Variants in NAALADL2 observed in about 807,000 individuals in gnomAD.
The protein encoded by NAALADL2 is N-acetylated alpha-linked acidic dipeptidase like 2, also known as inactive N-acetylated-alpha-linked acidic dipeptidase-like protein 2.
Under a neutral mutation model 87.2 loss-of-function variants are expected in NAALADL2, and 76 were observed. The observed-to-expected ratio is 0.87, with a 90% CI of 0.72 to 1.05. The LOEUF (loss-of-function observed/expected upper bound fraction) is 1.05. Ranked by LOEUF, NAALADL2 falls within the 50% of genes least tolerant of loss-of-function variation. The pLI is 0.00. For synonymous variants in NAALADL2, 354 were observed against 331.0 expected, an observed-to-expected ratio of 1.07 and a Z score of -0.75; for missense variants, 1,089 against 945.8, an observed-to-expected ratio of 1.15 and a Z score of -1.99.
chr3:175,578,709 A>G (rs920119773), intron 10 of NAALADL2, among the ~76,000 whole-genome samples: 11 of 152,202 alleles, frequency 7.2e-5, no homozygotes, highest in Non-Finnish European at 2.9e-5. Context: ...GTTCTCAACT[A>G]TTATACCAAA....
intron 5 of NAALADL2, among the ~76,000 whole-genome samples, chr3:175,388,588 G>A (rs1012048147): frequency 2.6e-5 from 4 of 152,030 alleles, no homozygotes; most frequent in African/African-American, 7.2e-5. Flanking sequence ...TTTAATGTAC[G>A]CACTTGATAA....
rs1754410586 is a variant in NAALADL2 at position 175,803,266 on chromosome 3, C to T, written c.*63C>T. 3 of 1,269,152 alleles carry T rather than the reference C, an allele frequency of 2.4e-6. No homozygotes were observed. The highest frequency in any genetic ancestry group is 3.2e-6 in the Non-Finnish European group (3 of 924,076). The allele number at this position is 1,269,152 out of a possible 1,614,324, so 78.6% of individuals were successfully genotyped here. On this transcript the variant is annotated 3_prime_UTR_variant, in exon 14 of 14. Coordinates refer to ENST00000454872, the MANE Select transcript of NAALADL2 (RefSeq NM_207015.3). ...CCACAAGCAAAAGCTCTAATTTAAC[C>T]AGATTTTCTGACATTGAAGGCTTAT...
chr3:175,667,733 GT>G (rs1733393165), intron 11 of NAALADL2, among the ~76,000 whole-genome samples: 1 of 138,598 alleles, frequency 7.2e-6, no homozygotes, highest in African/African-American at 2.8e-5. Flanking sequence ...ATATCTGTGT[GT>G]TTTTTGCTGT....
At chr3:175,760,930 A>T (rs535771532) in intron 13 of NAALADL2, among the ~76,000 whole-genome samples, 52 of 152,170 alleles carry the variant, frequency 3.4e-4, no homozygotes, top group Non-Finnish European at 4.0e-4. Context: ...AAAGTACGGA[A>T]TTCTCATATG....
Position 175,432,029 on chromosome 3 carries a change from GA to G in NAALADL2, c.1091-15191del, listed in dbSNP as rs200029916. ...TCATGCAGCTATTACTTCTTGTTGA[GA>G]AAAAAAAATAGCTTTTAACAGTAAT... On this transcript the variant is annotated intron_variant, in intron 5 of 13. Transcript: ENST00000454872. Among the ~76,000 whole-genome samples the G allele has an allele frequency of 1.8e-3, 277 of 149,776 alleles. 1 individual carries two copies. The highest frequency in any genetic ancestry group is 5.9e-3 in the African/African-American group (241 of 40,958).
intron 1 of NAALADL2, among the ~76,000 whole-genome samples, chr3:174,927,341 C>G (rs1292900330): frequency 2.0e-5 from 3 of 152,178 alleles, no homozygotes; most frequent in Non-Finnish European, 4.4e-5. Context: ...TTGAACTCAG[C>G]TCTGCACCAA....
intron 2 of NAALADL2, among the ~76,000 whole-genome samples, chr3:175,103,563 C>G (rs1470391773): frequency 1.1e-5 from 1 of 93,976 alleles, no homozygotes; most frequent in Non-Finnish European, 2.8e-5. Flanking sequence ...TGTACTCAGA[C>G]CTTGCCTCAG....
At chr3:175,182,840 T>G (rs1171095131) in intron 2 of NAALADL2, among the ~76,000 whole-genome samples, 1 of 152,018 alleles carries the variant, frequency 6.6e-6, no homozygotes, top group Non-Finnish European at 1.5e-5. Context: ...TTTTCCTCTC[T>G]GTTTTCTTCT....
intron 2 of NAALADL2, among the ~76,000 whole-genome samples, chr3:175,118,330 C>T (rs960938613): frequency 3.3e-5 from 5 of 151,530 alleles, no homozygotes; most frequent in South Asian, 2.1e-4. Context: ...AGCAATAGAT[C>T]ACAGAACTAA....
chr3:174,983,503 A>G (rs1745408763), intron 1 of NAALADL2, among the ~76,000 whole-genome samples: 1 of 152,190 alleles, frequency 6.6e-6, no homozygotes, highest in African/African-American at 2.4e-5. Flanking sequence ...TATATTTCTC[A>G]TAGTTCTGGA....
intron 2 of NAALADL2, among the ~76,000 whole-genome samples, chr3:174,722,639 T>C (rs1353435203): frequency 2.0e-5 from 3 of 152,076 alleles, no homozygotes; most frequent in Admixed American, 6.5e-5. Context: ...AGGGCGGAGG[T>C]TGCAGTGAGC....
intron 9 of NAALADL2, among the ~76,000 whole-genome samples, chr3:175,538,420 G>T (rs1389848994): frequency 6.6e-6 from 1 of 151,810 alleles, no homozygotes; most frequent in East Asian, 1.9e-4. Flanking sequence ...AGGCAGGAAA[G>T]GCTCTAGATT....
chr3:175,493,341 T>G (rs1374272197), intron 9 of NAALADL2, among the ~76,000 whole-genome samples: 6 of 152,136 alleles, frequency 3.9e-5, no homozygotes, highest in Non-Finnish European at 5.9e-5. Context: ...TACCTTCTCT[T>G]GAAAACAAGA....
At chr3:174,974,476 A>T (rs931564823) in intron 1 of NAALADL2, among the ~76,000 whole-genome samples, 9 of 152,218 alleles carry the variant, frequency 5.9e-5, no homozygotes, top group Admixed American at 1.3e-4. Context: ...CCTATTAAGT[A>T]GACATGTTAA....
chr3:174,564,958 T>A (rs1195146121), intron 2 of NAALADL2, among the ~76,000 whole-genome samples: 4 of 152,076 alleles, frequency 2.6e-5, no homozygotes, highest in African/African-American at 9.7e-5. Flanking sequence ...ACAGTTTTTT[T>A]AGAAAATTGA....
intron 10 of NAALADL2, among the ~76,000 whole-genome samples, chr3:175,612,137 C>T (rs567187701): frequency 3.4e-4 from 52 of 152,236 alleles, no homozygotes; most frequent in African/African-American, 1.2e-3. Context: ...GAAATATATA[C>T]ATAATTTATC....
intron 11 of NAALADL2, among the ~76,000 whole-genome samples, chr3:175,689,804 C>A (rs1056103976): frequency 6.6e-6 from 1 of 152,068 alleles, no homozygotes; most frequent in Non-Finnish European, 1.5e-5. Context: ...AAAGAACTTG[C>A]AAATTTGAGA....
At chr3:175,361,263 T>C (rs1225721927) in intron 5 of NAALADL2, among the ~76,000 whole-genome samples, 1 of 150,546 alleles carries the variant, frequency 6.6e-6, no homozygotes, top group African/African-American at 2.4e-5. Flanking sequence ...ATCCAGTCTA[T>C]CACTGATGGA....
At chr3:175,519,392 A>G (rs1732317618) in intron 9 of NAALADL2, among the ~76,000 whole-genome samples, 1 of 152,186 alleles carries the variant, frequency 6.6e-6, no homozygotes, top group African/African-American at 2.4e-5. Context: ...TGAGGCTGCC[A>G]CTGAGGCCTT....
Sources: allele counts gnomAD v4.1 joint callset (sites outside exome capture counted in the v4.1 genomes callset), GRCh38; gene constraint gnomAD v4.1.1; transcripts MANE v1.5; gene names NCBI Gene and HGNC (gene_info 2026-07-23, HGNC 2026-07-21).